Variants in LRRC74A observed in about 807,000 individuals in gnomAD.
LRRC74A encodes leucine-rich repeat-containing protein 74A.
Under a neutral mutation model 57.9 loss-of-function variants are expected in LRRC74A, and 44 were observed. The observed-to-expected ratio is 0.76, with a 90% CI of 0.60 to 0.98. LRRC74A has a LOEUF of 0.98. Ranked by LOEUF, LRRC74A falls within the 50% of genes least tolerant of loss-of-function variation. The probability of loss-of-function intolerance (pLI) is 0.00; values close to 1 mark genes in which losing one functional copy is unlikely to be tolerated. For synonymous variants in LRRC74A, 211 were observed against 219.4 expected (o/e 0.96, Z 0.34); for missense variants, 572 against 574.0 (o/e 1.00, Z 0.04).
At position 76,843,763 on chromosome 14, in the gene LRRC74A, G is replaced by A. The variant is rs143068355; in HGVS notation, c.545-660G>A. 1.5e-4 allele frequency among the ~76,000 whole-genome samples: 22 copies of A among 142,460 alleles called. No individual in the cohort carries two copies. The South Asian group carries it at 2.5e-3, about 16-fold the overall frequency. 93.5% of individuals were successfully genotyped at this position (142,460 alleles called of 152,430 possible). On this transcript the variant is annotated intron_variant, in intron 5 of 13. Transcript: ENST00000689127. Reference sequence around the variant, plus strand: ...GTCACCCAGGCTGGAGTGCAGTGGCGTTGTGATCTCAGCTCACTGCAATCT... The same window carrying A: ...GTCACCCAGGCTGGAGTGCAGTGGCATTGTGATCTCAGCTCACTGCAATCT...
intron 9 of LRRC74A, among the ~76,000 whole-genome samples, chr14:76,854,387 C>T (rs1264517389): frequency 6.6e-6 from 1 of 152,174 alleles, no homozygotes; most frequent in African/African-American, 2.4e-5. Context: ...GTGGGTGGAT[C>T]GCTTGAGGTC....
intron 12 of LRRC74A, among the ~76,000 whole-genome samples, chr14:76,866,980 GGGGTGGGGTGTGTGTGTGGT>G (rs2140315506): frequency 1.2e-5 from 1 of 83,240 alleles, no homozygotes; most frequent in Non-Finnish European, 2.4e-5. Context: ...GTGTGTTGGG[GGGGTGGGGTGTGTGTGTGGT>G]AGTGTGGGGG....
At chr14:76,863,185 A>AGTGTGAGTGTGT (rs1898459780) in intron 11 of LRRC74A, among the ~76,000 whole-genome samples, 1 of 145,206 alleles carries the variant, frequency 6.9e-6, no homozygotes, top group Non-Finnish European at 1.5e-5. Flanking sequence ...CATGCATGTG[A>AGTGTGAGTGTGT]GTGTGTGTGT....
intron 3 of LRRC74A, among the ~76,000 whole-genome samples, chr14:76,834,971 A>G (rs760692997): frequency 1.3e-5 from 2 of 152,094 alleles, no homozygotes; most frequent in Non-Finnish European, 2.9e-5. Flanking sequence ...TTCCTTTTTC[A>G]GGGGAGAGGG....
chr14:76,844,937 G>C, intron 7 of LRRC74A, 36 bp downstream of exon 7: 1 of 1,091,350 alleles, frequency 9.2e-7, no homozygotes, highest in South Asian at 1.3e-5. Flanking sequence ...GCAAAGGGGA[G>C]GGATAGGGAA....
intron 5 of LRRC74A, among the ~76,000 whole-genome samples, chr14:76,841,275 C>G (rs1488424872): frequency 6.6e-6 from 1 of 152,058 alleles, no homozygotes; most frequent in Admixed American, 6.5e-5. Flanking sequence ...CTCCTGACCT[C>G]AAGTGATCCA....
intron 4 of LRRC74A, among the ~76,000 whole-genome samples, chr14:76,837,103 C>T (rs1160670441): frequency 6.6e-6 from 1 of 152,154 alleles, no homozygotes; most frequent in Non-Finnish European, 1.5e-5. Flanking sequence ...GATGACGCCA[C>T]TGCACTCCAG....
intron 7 of LRRC74A, 91 bp from the exon 8 acceptor site, chr14:76,852,274 C>A: frequency 2.1e-6 from 2 of 947,164 alleles, no homozygotes; most frequent in Non-Finnish European, 3.2e-6. Context: ...ACTGAGTGGT[C>A]TTTATCCCCA....
chr14:76,860,980 C>CTG, intron 11 of LRRC74A, 141 bp downstream of exon 11: 1 of 770,842 alleles, frequency 1.3e-6, no homozygotes, highest in Non-Finnish European at 2.0e-6. Flanking sequence ...GTCCCTTGGA[C>CTG]AGCAGACATG....
intron 5 of LRRC74A, among the ~76,000 whole-genome samples, chr14:76,841,842 A>G (rs1313033722): frequency 1.3e-5 from 2 of 151,720 alleles, no homozygotes; most frequent in Admixed American, 1.3e-4. Flanking sequence ...CCTACCGAGT[A>G]GCTGAGATTA....
chr14:76,855,701 C>G (rs1021554587), intron 9 of LRRC74A, among the ~76,000 whole-genome samples: 1 of 152,142 alleles, frequency 6.6e-6, no homozygotes, highest in African/African-American at 2.4e-5. Context: ...GAGGTCCAGG[C>G]CCTAGTCTGC....
intron 12 of LRRC74A, 121 bp from the exon 13 acceptor site, chr14:76,867,235 T>TG: frequency 6.0e-6 from 2 of 332,856 alleles, no homozygotes; most frequent in East Asian, 5.9e-5. Flanking sequence ...GTAGTGTGTG[T>TG]GGGGGTGTGT....
chr14:76,861,536 G>C (rs1898306094), intron 11 of LRRC74A, among the ~76,000 whole-genome samples: 2 of 151,584 alleles, frequency 1.3e-5, no homozygotes, highest in African/African-American at 4.9e-5. Flanking sequence ...TATTTGGCGG[G>C]TTCAGCCAAA....
At chr14:76,856,328 CA>C (rs1258307366) in intron 9 of LRRC74A, among the ~76,000 whole-genome samples, 1 of 152,198 alleles carries the variant, frequency 6.6e-6, no homozygotes, top group Non-Finnish European at 1.5e-5. Flanking sequence ...CTGCAGTACC[CA>C]GGTGTACCTC....
chr14:76,844,308 C>A, intron 5 of LRRC74A, 115 bp from the exon 6 acceptor site: 1 of 981,248 alleles, frequency 1.0e-6, no homozygotes, highest in Non-Finnish European at 1.6e-6. Context: ...TGGCCCCTAC[C>A]ACCTTTTTTC....
chr14:76,847,440 G>A (rs111395343), intron 7 of LRRC74A, among the ~76,000 whole-genome samples: 64 of 152,222 alleles, frequency 4.2e-4, no homozygotes, highest in African/African-American at 1.3e-3. Flanking sequence ...AACATAGGAA[G>A]AGAAAACCGA....
intron 5 of LRRC74A, among the ~76,000 whole-genome samples, chr14:76,841,308 C>T (rs991830759): frequency 6.6e-6 from 1 of 152,254 alleles, no homozygotes. Context: ...TCCCAGAGTG[C>T]TGGGATTACA....
chr14:76,864,123 C>T (rs1048022160), intron 11 of LRRC74A, among the ~76,000 whole-genome samples: 5 of 152,186 alleles, frequency 3.3e-5, no homozygotes, highest in African/African-American at 1.2e-4. Flanking sequence ...TCTGCCATAG[C>T]GCTCAGCAGC....
chr14:76,846,112 C>T (rs796535488), intron 7 of LRRC74A, among the ~76,000 whole-genome samples: 8 of 152,252 alleles, frequency 5.3e-5, no homozygotes, highest in African/African-American at 1.9e-4. Flanking sequence ...GATAAAAGAT[C>T]CTTAGCTCAA....
Sources: allele counts gnomAD v4.1 joint callset (sites outside exome capture counted in the v4.1 genomes callset), GRCh38; gene constraint gnomAD v4.1.1; transcripts MANE v1.5; gene names NCBI Gene and HGNC (gene_info 2026-07-23, HGNC 2026-07-21).